The following PCDHGA3 variants were observed in gnomAD, a reference collection of about 807,000 sequenced individuals.
PCDHGA3 encodes the protein protocadherin gamma subfamily A, 3.
In PCDHGA3, 40 loss-of-function variants were observed where a neutral mutation model predicts 58.5. The ratio of observed to expected loss-of-function variants is 0.68; its 90% CI spans 0.53 to 0.89. The LOEUF (loss-of-function observed/expected upper bound fraction) is 0.89. Ranked by LOEUF, PCDHGA3 falls within the 40% of genes least tolerant of loss-of-function variation. The pLI, the probability that PCDHGA3 is intolerant of heterozygous loss-of-function variation, is 0.00. For synonymous variants in PCDHGA3, 530 were observed against 525.7 expected, an observed-to-expected ratio of 1.01 and a Z score of -0.11; for missense variants, 1,223 against 1,195.9, an observed-to-expected ratio of 1.02 and a Z score of -0.33.
intron 1 of PCDHGA3, chr5:141,387,565 T>C: frequency 2.3e-6 from 1 of 437,244 alleles, no homozygotes; most frequent in Non-Finnish European, 4.0e-6. Flanking sequence ...AGGCACACAA[T>C]TATAATTATT....
chr5:141,468,681 A>G (rs1415798588), intron 1 of PCDHGA3: 1 of 151,830 alleles, frequency 6.6e-6, no homozygotes, highest in African/African-American at 2.4e-5. Flanking sequence ...CCTGGCTAAC[A>G]CGGTGAAACC....
intron 1 of PCDHGA3, chr5:141,426,560 G>A (rs1358683534): frequency 5.7e-6 from 2 of 352,756 alleles, no homozygotes; most frequent in South Asian, 2.1e-5. Flanking sequence ...AGAATAGATC[G>A]AGAGTCACTG....
chr5:141,381,826 C>CTTTTTTTTTTTTTTTTTTTTTTTTT (rs770630741), intron 1 of PCDHGA3, among the ~76,000 whole-genome samples: 4 of 74,290 alleles, frequency 5.4e-5, no homozygotes, highest in African/African-American at 1.2e-4. Context: ...CTTTCTTCTT[C>CTTTTTTTTTTTTTTTTTTTTTTTTT]TTTTTTTTTT....
chr5:141,439,636 G>A (rs114401133), intron 1 of PCDHGA3, among the ~76,000 whole-genome samples: 27 of 152,206 alleles, frequency 1.8e-4, no homozygotes, highest in Non-Finnish European at 2.9e-4. Context: ...CAGACATTCC[G>A]GCTTGGTGGC....
At chr5:141,407,407 G>A (rs558103918) in intron 1 of PCDHGA3, among the ~76,000 whole-genome samples, 17 of 152,216 alleles carry the variant, frequency 1.1e-4, no homozygotes, top group African/African-American at 3.6e-4. Context: ...GTTACTATTC[G>A]ATACCACAAA....
intron 1 of PCDHGA3, chr5:141,389,125 C>T: frequency 6.2e-7 from 1 of 1,614,004 alleles, no homozygotes; most frequent in African/African-American, 1.3e-5. Flanking sequence ...GAGCAGAATC[C>T]AGAGTACAAT....
intron 1 of PCDHGA3, chr5:141,409,049 AG>A: frequency 6.2e-7 from 1 of 1,614,028 alleles, no homozygotes; most frequent in African/African-American, 1.3e-5. Context: ...CTACTTCCGA[AG>A]CACTGCCCAG....
Position 141,476,279 on chromosome 5 carries a change from G to T in PCDHGA3, c.2425-18528G>T. The T allele has an allele frequency of 6.2e-7, 1 of 1,614,148 alleles. No individual in the cohort carries two copies. Among genetic ancestry groups the T allele is most frequent in the Non-Finnish European group, 8.5e-7 (1 of 1,180,024 alleles). On this transcript the variant is annotated intron_variant, in intron 1 of 3. Coordinates refer to ENST00000253812, the MANE Select transcript of PCDHGA3 (RefSeq NM_018916.4). This position sits in a 1 kb window ranked among gnomAD's most constrained non-coding sequence, Gnocchi z 7.6. ...TGTGGGCAACGTGGTCGCGAACCTT[G>T]GTTTGGATCTCGGTAGCCTCTCAGC...
rs772962568 is a variant in PCDHGA3, at chr5:141,476,311, G to A, written c.2425-18496G>A. The stretch of plus-strand genomic sequence containing the variant: ...ATCTCGGTAGCCTCTCAGCCCGCAG[G>A]TTCCGGGTGGTGTCTGGAGCTAGCC... On this transcript the variant is annotated intron_variant, in intron 1 of 3. Transcript: ENST00000253812. The surrounding 1 kb of genome is among the most constrained non-coding windows in gnomAD (Gnocchi z 7.6). 13 of 1,613,680 alleles carry A rather than the reference G, an allele frequency of 8.1e-6. No individual in the cohort carries two copies. The African/African-American group carries it at 1.5e-4, about 18-fold the overall frequency.
Position 141,431,758 on chromosome 5 carries a change from C to T in PCDHGA3, c.2425-63049C>T. Reference sequence around the variant, plus strand: ...CAGGATATTCTGCGCGAGCCAAAGTCCTGATCACTGTTCTGGACGTGAACG... The same window carrying T: ...CAGGATATTCTGCGCGAGCCAAAGTTCTGATCACTGTTCTGGACGTGAACG... On this transcript the variant is annotated intron_variant, in intron 1 of 3. Transcript: ENST00000253812. This position sits in a 1 kb window ranked among gnomAD's most constrained non-coding sequence, Gnocchi z 4.8. 1.9e-6 allele frequency: 3 copies of T among 1,614,172 alleles called. No homozygotes were observed. The highest frequency in any genetic ancestry group is 1.7e-6 in the Non-Finnish European group (2 of 1,180,020).
chr5:141,386,797 T>C (rs771279831), intron 1 of PCDHGA3, among the ~76,000 whole-genome samples: 1 of 152,124 alleles, frequency 6.6e-6, no homozygotes, highest in Non-Finnish European at 1.5e-5. Context: ...TGACCAAAAT[T>C]TATTAGATGC....
intron 1 of PCDHGA3, chr5:141,356,835 T>C: frequency 6.2e-7 from 1 of 1,614,144 alleles, no homozygotes; most frequent in Non-Finnish European, 8.5e-7. Context: ...TCAGCAGCAA[T>C]GTGTCACTGA....
intron 1 of PCDHGA3, chr5:141,360,507 G>A (rs1054504222): frequency 6.2e-7 from 1 of 1,613,916 alleles, no homozygotes; most frequent in African/African-American, 1.3e-5. Flanking sequence ...TAATTGTGCA[G>A]GATATAAATG....
Position 141,345,972 on chromosome 5 carries a change from C to T in PCDHGA3, c.1939C>T (p.Gln647Ter), listed in dbSNP as rs753949657. The change falls in exon 1 of 4, where the codon CAG (glutamine) becomes TAG (stop). Residue 647 changes from glutamine (Q) to a stop codon, truncating the protein, a stop_gained. Transcript: ENST00000253812. LOFTEE classifies it high-confidence loss of function. ...ALKQSLVVAV[Q>*]DHGQPPLSAT... ...CAAGCAGAGCCTCGTGGTGGCCGTC[C>T]AGGACCACGGCCAGCCCCCTCTCTC... 1 of 1,613,558 alleles carries T rather than the reference C, an allele frequency of 6.2e-7. No individual in the cohort carries two copies. The highest frequency in any genetic ancestry group is 8.5e-7 in the Non-Finnish European group (1 of 1,179,872).
chr5:141,447,048 A>T (rs149112101), intron 1 of PCDHGA3, among the ~76,000 whole-genome samples: 1 of 152,066 alleles, frequency 6.6e-6, no homozygotes, highest in Non-Finnish European at 1.5e-5. Flanking sequence ...CTGGAATTCT[A>T]TTAAAATGTG....
intron 1 of PCDHGA3, chr5:141,390,863 T>C (rs1292623547): frequency 6.6e-6 from 1 of 150,928 alleles, no homozygotes. Flanking sequence ...GTACGCTGTG[T>C]GTGCGTGTGT....
chr5:141,404,745 C>T, intron 1 of PCDHGA3: 1 of 1,613,966 alleles, frequency 6.2e-7, no homozygotes, highest in Non-Finnish European at 8.5e-7. Flanking sequence ...GACAGAGACT[C>T]AGGCCAGAAT....
chr5:141,413,575 G>A lies in PCDHGA3; in HGVS notation c.2424+67118G>A, dbSNP rs762938003. The stretch of plus-strand genomic sequence containing the variant: ...AGAAGTAACTGATATCAATGACAAT[G>A]CTCCAAAATTCCAAGCAGAAAATCT... On this transcript the variant is annotated intron_variant, in intron 1 of 3. Transcript: ENST00000253812. 4.3e-6 allele frequency: 7 copies of A among 1,613,886 alleles called. No individual in the cohort carries two copies. In the South Asian group the frequency reaches 6.6e-5, roughly 15 times the overall value.
In PCDHGA3 at chr5:141,489,621, T is replaced by C. The variant is rs765666746; in HGVS notation, c.2425-5186T>C. 29 of 1,613,978 alleles carry C rather than the reference T, an allele frequency of 1.8e-5. No individual in the cohort carries two copies. The highest frequency in any genetic ancestry group is 1.6e-4 in the Middle Eastern group (1 of 6,084). On this transcript the variant is annotated intron_variant, in intron 1 of 3. Transcript: ENST00000253812. The surrounding 1 kb of genome is among the most constrained non-coding windows in gnomAD (Gnocchi z 4.5). ...TAGAGGTAGAGATCCTGGATCTCAATGACAACTCTCCTAGCTTTGCCACCC... is the reference window on the plus strand; with the variant it reads ...TAGAGGTAGAGATCCTGGATCTCAACGACAACTCTCCTAGCTTTGCCACCC...
Sources: gnomAD v4.1 joint callset for allele counts (sites outside exome capture counted in the v4.1 genomes callset) on GRCh38, gnomAD v4.1.1 for gene constraint, Gnocchi (gnomAD v3.1) non-coding constraint, MANE v1.5 for transcripts, NCBI Gene and HGNC (gene_info 2026-07-23, HGNC 2026-07-21) for gene names.